Variants in LPP observed in about 807,000 individuals in gnomAD.
LPP encodes LIM domain containing preferred translocation partner in lipoma, also known as lipoma-preferred partner.
A neutral mutation model predicts 60.4 loss-of-function variants in LPP; 38 were observed. The ratio of observed to expected loss-of-function variants is 0.63; its 90% CI spans 0.49 to 0.83. The LOEUF (loss-of-function observed/expected upper bound fraction) is 0.83. Among genes scored for constraint, LPP ranks in the 40% least tolerant of loss-of-function variants. The pLI, the probability that LPP is intolerant of heterozygous loss-of-function variation, is 0.00. For missense variants in LPP, 902 were observed against 783.6 expected, an observed-to-expected ratio of 1.15 and a Z score of -1.80; for synonymous variants, 328 against 290.8, an observed-to-expected ratio of 1.13 and a Z score of -1.30.
At chr3:188,837,608 T>G (rs1446430538) in intron 9 of LPP, among the ~76,000 whole-genome samples, 1 of 152,032 alleles carries the variant, frequency 6.6e-6, no homozygotes, top group African/African-American at 2.4e-5. Flanking sequence ...TATCTTTTCA[T>G]ATAAATCTTG....
intron 3 of LPP, among the ~76,000 whole-genome samples, chr3:188,397,345 T>C (rs148480054): frequency 0.012 from 1,771 of 152,336 alleles, 11 homozygotes; most frequent in South Asian, 0.028. Flanking sequence ...AGATTTCTCC[T>C]AGCTGGGGTT....
intron 7 of LPP, among the ~76,000 whole-genome samples, chr3:188,636,115 G>C (rs1008193277): frequency 6.6e-6 from 1 of 152,210 alleles, no homozygotes; most frequent in African/African-American, 2.4e-5. Context: ...CGCAGAAGGC[G>C]GGTGATTTCT....
intron 3 of LPP, among the ~76,000 whole-genome samples, chr3:188,400,079 T>C (rs772478197): frequency 6.6e-6 from 1 of 152,172 alleles, no homozygotes; most frequent in Non-Finnish European, 1.5e-5. Context: ...TTCTGTTGAC[T>C]ATTGGCTTCA....
chr3:188,648,702 G>T (rs1851545621), intron 7 of LPP, among the ~76,000 whole-genome samples: 1 of 152,088 alleles, frequency 6.6e-6, no homozygotes, highest in African/African-American at 2.4e-5. Context: ...TTTGTTTCCA[G>T]TGTTCCTGAG....
At chr3:188,627,965 A>G (rs1244710817) in intron 7 of LPP, among the ~76,000 whole-genome samples, 5 of 152,172 alleles carry the variant, frequency 3.3e-5, no homozygotes, top group Non-Finnish European at 7.4e-5. Flanking sequence ...AGATCTCTCA[A>G]AACCATGCAA....
rs1770122196 is a variant in LPP at position 188,882,274 on chromosome 3, A to G, written c.*7795A>G. 1 of 223,386 alleles carries G rather than the reference A, an allele frequency of 4.5e-6. No homozygotes were observed. The highest frequency in any genetic ancestry group is 2.2e-5 in the African/African-American group (1 of 44,928). 13.8% of individuals were successfully genotyped at this position (223,386 alleles called of 1,614,324 possible). A position where few individuals can be genotyped will look rare whatever the true frequency, so the allele number is the denominator to read the frequency against. On this transcript the variant is annotated 3_prime_UTR_variant, in exon 12 of 12. Transcript: ENST00000617246. ...AAGTTGAGAAAAGAGTATTTAAGGC[A>G]CAACAGGGAAACATGGGCTATACTC...
chr3:188,864,685 A>C (rs1301848833), intron 9 of LPP, among the ~76,000 whole-genome samples: 2 of 152,246 alleles, frequency 1.3e-5, no homozygotes, highest in East Asian at 1.9e-4. Flanking sequence ...TAGCCAAGGC[A>C]CAGAAGTATG....
intron 3 of LPP, among the ~76,000 whole-genome samples, chr3:188,378,513 A>T (rs762091000): frequency 6.6e-6 from 1 of 152,208 alleles, no homozygotes; most frequent in Non-Finnish European, 1.5e-5. Flanking sequence ...CCTCCGAGCC[A>T]GGTGGGGGAT....
At chr3:188,805,473 T>G (rs1016363156) in intron 9 of LPP, among the ~76,000 whole-genome samples, 1 of 151,912 alleles carries the variant, frequency 6.6e-6, no homozygotes, top group African/African-American at 2.4e-5. Flanking sequence ...TTATAATTAA[T>G]GTCTTATTTC....
In LPP at chr3:188,609,154, T is replaced by C. The variant is rs762881706; in HGVS notation, c.430-7T>C. 1.4e-5 allele frequency: 22 copies of C among 1,560,194 alleles called. No homozygotes were observed. In the African/African-American group the frequency reaches 2.5e-4, roughly 18 times the overall value. On this transcript the variant is annotated splice_polypyrimidine_tract_variant and splice_region_variant and intron_variant, in intron 6 of 11. Transcript: ENST00000617246. The surrounding 1 kb of genome is among the most constrained non-coding windows in gnomAD (Gnocchi z 6.9). ...TCTTTCTTTCTTTTTTTTCCTATTCTTTTTAGAGCTCCACTGGTTCAACAG... is the reference window on the plus strand; with the variant it reads ...TCTTTCTTTCTTTTTTTTCCTATTCCTTTTAGAGCTCCACTGGTTCAACAG...
chr3:188,440,567 C>A (rs1793531902), intron 4 of LPP, among the ~76,000 whole-genome samples: 1 of 152,150 alleles, frequency 6.6e-6, no homozygotes, highest in Non-Finnish European at 1.5e-5. Context: ...ATCTGACATT[C>A]TTGCATGCTT....
intron 11 of LPP, 86 bp downstream of exon 11, chr3:188,872,849 T>TAAATCTCAGA: frequency 1.3e-6 from 2 of 1,564,700 alleles, no homozygotes; most frequent in African/African-American, 2.7e-5. Context: ...TAGCAATTAC[T>TAAATCTCAGA]AAATCTCAGA....
intron 3 of LPP, among the ~76,000 whole-genome samples, chr3:188,404,256 G>GT (rs141158828): frequency 4.8e-4 from 73 of 151,140 alleles, no homozygotes; most frequent in African/African-American, 1.6e-3. Flanking sequence ...ATGTTTGTTT[G>GT]TTTTTTGAGA....
At chr3:188,177,419 A>G (rs765662254) in intron 1 of LPP, among the ~76,000 whole-genome samples, 1 of 152,168 alleles carries the variant, frequency 6.6e-6, no homozygotes, top group Non-Finnish European at 1.5e-5. Flanking sequence ...CTGGACCAGC[A>G]TAGGAGGGTG....
At chr3:188,370,605 C>T (rs1057120935) in intron 3 of LPP, among the ~76,000 whole-genome samples, 1 of 152,192 alleles carries the variant, frequency 6.6e-6, no homozygotes, top group African/African-American at 2.4e-5. Context: ...GCTAGTGTCT[C>T]ACAGTTTACG....
chr3:188,384,814 A>T (rs1777842689), intron 3 of LPP, among the ~76,000 whole-genome samples: 2 of 48,642 alleles, frequency 4.1e-5, no homozygotes, highest in Admixed American at 2.5e-4. Flanking sequence ...AAAAAAAAAA[A>T]AAAAAAAAAA....
chr3:188,543,973 C>T (rs771235685), intron 6 of LPP, among the ~76,000 whole-genome samples: 1 of 152,100 alleles, frequency 6.6e-6, no homozygotes, highest in Non-Finnish European at 1.5e-5. Flanking sequence ...GCAGAGGAGG[C>T]ATGTGGGGTA....
intron 8 of LPP, among the ~76,000 whole-genome samples, chr3:188,724,167 T>C (rs1717504435): frequency 6.6e-6 from 1 of 152,204 alleles, no homozygotes. Flanking sequence ...CAGTAGATAC[T>C]GTTTTTTACA....
intron 4 of LPP, among the ~76,000 whole-genome samples, chr3:188,445,417 C>G (rs1794994336): frequency 6.6e-6 from 1 of 152,058 alleles, no homozygotes; most frequent in South Asian, 2.1e-4. Flanking sequence ...TATGTTCTCA[C>G]TCATAATTGG....
Sources: gnomAD v4.1 joint callset for allele counts (sites outside exome capture counted in the v4.1 genomes callset) on GRCh38, gnomAD v4.1.1 for gene constraint, Gnocchi (gnomAD v3.1) non-coding constraint, MANE v1.5 for transcripts, NCBI Gene and HGNC (gene_info 2026-07-23, HGNC 2026-07-21) for gene names.